The following CCDC90B variants were observed in gnomAD, a reference collection of about 807,000 sequenced individuals.
The protein encoded by CCDC90B is coiled-coil domain containing 90B.
In CCDC90B, 24 loss-of-function variants were observed where a neutral mutation model predicts 37.0. That is an observed-to-expected ratio of 0.65 (90% confidence interval 0.47 to 0.91). The LOEUF (loss-of-function observed/expected upper bound fraction) is 0.91, where lower values mean the gene tolerates loss of function less well. Among genes scored for constraint, CCDC90B ranks in the 40% least tolerant of loss-of-function variants. The pLI is 0.00. For synonymous variants in CCDC90B, 113 were observed against 101.1 expected (o/e 1.12, Z -0.71); for missense variants, 319 against 299.0 (o/e 1.07, Z -0.49).
intron 7 of CCDC90B, among the ~76,000 whole-genome samples, chr11:83,266,497 C>T (rs564322274): frequency 2.0e-5 from 3 of 152,360 alleles, no homozygotes; most frequent in African/African-American, 7.2e-5. Flanking sequence ...GAGCCTTGCT[C>T]ACTGCTAGCA....
chr11:83,279,021 C>T (rs1308516855), intron 2 of CCDC90B, among the ~76,000 whole-genome samples, 192 bp from the exon 3 acceptor site: 27 of 152,154 alleles, frequency 1.8e-4, no homozygotes, highest in Admixed American at 1.4e-3. Flanking sequence ...TGGTGGCTCA[C>T]GCCTGTAATC....
At chr11:83,263,124 T>C (rs189408346) in intron 8 of CCDC90B, among the ~76,000 whole-genome samples, 1 of 152,150 alleles carries the variant, frequency 6.6e-6, no homozygotes, top group Non-Finnish European at 1.5e-5. Flanking sequence ...CACACAAAAT[T>C]TGTGATCCTT....
rs190914109 is a variant in CCDC90B at position 83,285,921 on chromosome 11, G to C, written c.52C>G (p.Arg18Gly). Reference protein sequence around the residue: ...RLFLSQGRGDRWVSRPRGHFS... With the variant: ...RLFLSQGRGDGWVSRPRGHFS... ...TGCCCGCGGGGCCTTGAAACCCAAC[G>C]ATCTCCTCTGCCTTGGGAGAGAAAG... is the stretch of plus-strand genomic sequence containing the variant. The change falls in exon 1 of 9, where the codon CGT becomes GGT. Residue 18 changes from arginine (R) to glycine (G), a missense_variant. Arg to Gly is a moderately radical substitution (Grantham distance 125). Transcript: ENST00000529689. The C allele has an allele frequency of 1.4e-5, 22 of 1,613,570 alleles. No individual in the cohort carries two copies. The East Asian group carries it at 4.0e-4, about 29-fold the overall frequency.
At chr11:83,282,101 A>C (rs1433597756) in intron 1 of CCDC90B, among the ~76,000 whole-genome samples, 1 of 152,196 alleles carries the variant, frequency 6.6e-6, no homozygotes, top group Non-Finnish European at 1.5e-5. Flanking sequence ...TAAAGTGTTG[A>C]ATATTTCATG....
At chr11:83,273,398 A>G (rs1477280579) in intron 7 of CCDC90B, 4 of 288,608 alleles carry the variant, frequency 1.4e-5, no homozygotes, top group African/African-American at 6.5e-5. Context: ...CTATTATAGA[A>G]GTAATTTAGT....
chr11:83,285,464 A>G (rs752533309), intron 1 of CCDC90B: 29 of 1,115,240 alleles, frequency 2.6e-5, no homozygotes, highest in Non-Finnish European at 3.2e-5. Flanking sequence ...TCTACCAAAA[A>G]CCTGGGCTCG....
chr11:83,277,734 G>A (rs970083934), intron 3 of CCDC90B, among the ~76,000 whole-genome samples: 1 of 151,712 alleles, frequency 6.6e-6, no homozygotes, highest in Non-Finnish European at 1.5e-5. Flanking sequence ...GACCTCAAGT[G>A]ATCTGTGTAC....
At chr11:83,285,713 C>A in intron 1 of CCDC90B, 160 bp downstream of exon 1, 1 of 1,436,858 alleles carries the variant, frequency 7.0e-7, no homozygotes, top group Admixed American at 2.8e-5. Context: ...GCGAGCTGGG[C>A]AAGTCGGGGC....
At chr11:83,271,031 C>T (rs919948414) in intron 7 of CCDC90B, among the ~76,000 whole-genome samples, 10 of 152,166 alleles carry the variant, frequency 6.6e-5, no homozygotes, top group African/African-American at 1.9e-4. Flanking sequence ...GGAAAGGAGT[C>T]CCTATTTAAT....
At chr11:83,267,360 A>C (rs1463597659) in intron 7 of CCDC90B, 1 of 152,218 alleles carries the variant, frequency 6.6e-6, no homozygotes, top group African/African-American at 2.4e-5. Flanking sequence ...GGAAGCTAAA[A>C]ACCTTGAAAA....
chr11:83,285,441 A>G (rs1865623847), intron 1 of CCDC90B: 2 of 1,124,572 alleles, frequency 1.8e-6, no homozygotes, highest in South Asian at 2.0e-5. Context: ...GTGGCCTGAA[A>G]TTTATGATGC....
At chr11:83,283,977 ATAAG>A (rs1416022167) in intron 1 of CCDC90B, among the ~76,000 whole-genome samples, 4 of 152,192 alleles carry the variant, frequency 2.6e-5, no homozygotes, top group Admixed American at 6.5e-5. Context: ...AAAAATAAAA[ATAAG>A]TAAGTCTTTG....
At position 83,284,788 on chromosome 11, in the gene CCDC90B, C is replaced by A. The variant is rs1477429145; in HGVS notation, c.100+1085G>T. The stretch of plus-strand genomic sequence containing the variant: ...TATGATATACACTTCAAAGTTCATT[C>A]TCTAAGAACATTTAATTTTGTTTTC... On this transcript the variant is annotated intron_variant, in intron 1 of 8. Transcript: ENST00000529689. 2.6e-5 allele frequency among the ~76,000 whole-genome samples: 4 copies of A among 152,306 alleles called. No homozygotes were observed. The East Asian group carries it at 7.7e-4, about 29-fold the overall frequency.
At chr11:83,273,888 A>T (rs2135632296) in intron 5 of CCDC90B, 24 bp from the exon 6 acceptor site, 1 of 1,595,970 alleles carries the variant, frequency 6.3e-7, no homozygotes, top group Non-Finnish European at 8.5e-7. Context: ...AAAGATATTT[A>T]AAAAATGATC....
At chr11:83,263,361 ATTTC>A in intron 8 of CCDC90B, among the ~76,000 whole-genome samples, 1 of 152,116 alleles carries the variant, frequency 6.6e-6, no homozygotes, top group South Asian at 2.1e-4. Flanking sequence ...TTCAGCTTTT[ATTTC>A]TCATGGCTGT....
At chr11:83,267,915 C>A (rs1443094495) in intron 7 of CCDC90B, among the ~76,000 whole-genome samples, 1 of 152,200 alleles carries the variant, frequency 6.6e-6, no homozygotes, top group Non-Finnish European at 1.5e-5. Flanking sequence ...GACCTCTTGG[C>A]AGAAACCCTA....
intron 1 of CCDC90B, 199 bp downstream of exon 1, chr11:83,285,674 A>G: frequency 1.4e-6 from 2 of 1,412,816 alleles, no homozygotes; most frequent in Non-Finnish European, 1.8e-6. Context: ...ACAGAAAGGC[A>G]GTGCTTTCCT....
intron 3 of CCDC90B, among the ~76,000 whole-genome samples, chr11:83,278,063 T>C (rs1164939711): frequency 6.6e-6 from 1 of 152,214 alleles, no homozygotes; most frequent in East Asian, 1.9e-4. Flanking sequence ...CAGTCCTTTA[T>C]ATAAAATTAT....
At chr11:83,269,114 A>T (rs936620313) in intron 7 of CCDC90B, among the ~76,000 whole-genome samples, 3 of 152,238 alleles carry the variant, frequency 2.0e-5, no homozygotes, top group African/African-American at 4.8e-5. Flanking sequence ...CATTTAAAAC[A>T]GTGTGTAGAG....
Sources: allele counts gnomAD v4.1 joint callset (sites outside exome capture counted in the v4.1 genomes callset), GRCh38; gene constraint gnomAD v4.1.1; transcripts MANE v1.5; gene names NCBI Gene and HGNC (gene_info 2026-07-23, HGNC 2026-07-21).